The following AKAP1 variants were observed in gnomAD, a reference collection of about 807,000 sequenced individuals.
AKAP1 encodes A-kinase anchor protein 1, mitochondrial.
In AKAP1, 32 loss-of-function variants were observed where a neutral mutation model predicts 79.8. The ratio of observed to expected loss-of-function variants is 0.40; its 90% confidence interval spans 0.30 to 0.54. AKAP1 has a LOEUF of 0.54. Ranked by LOEUF, AKAP1 falls within the 20% of genes least tolerant of loss-of-function variation. The probability of loss-of-function intolerance (pLI) is 0.47; values close to 1 mark genes in which losing one functional copy is unlikely to be tolerated. For missense variants in AKAP1, 961 were observed against 1,138.9 expected, an observed-to-expected ratio of 0.84 and a Z score of 2.25; for synonymous variants, 416 against 466.7, an observed-to-expected ratio of 0.89 and a Z score of 1.40.
At position 57,116,920 on chromosome 17, in the gene AKAP1, CCT is replaced by C; in HGVS notation, c.2494_2495del (p.Leu832ValfsTer4). On this transcript the variant is annotated frameshift_variant, in exon 8 of 11. Transcript: ENST00000337714. LOFTEE classifies it high-confidence loss of function. ...AEVLLDSVMP[L>X]SDDDQFSPEA... ...AAGTCCTTCTGGACAGTGTGATGCC[CCT>C]GTCAGGTAACAGCTGAGGCCTTTGG... 1 of 1,614,034 alleles carries C rather than the reference CCT, an allele frequency of 6.2e-7. No individual in the cohort carries two copies.
In AKAP1 at chr17:57,106,555, T is replaced by C. The variant is rs1363184043; in HGVS notation, c.1091T>C (p.Leu364Pro). 6.2e-7 allele frequency: 1 copy of C among 1,614,208 alleles called. No homozygotes were observed. The highest frequency in any genetic ancestry group is 1.1e-5 in the South Asian group (1 of 91,078). ...ATCTCAGAAGCAACCGAACAGGTGC[T>C]GGCCACCACGGTTGGCAAGGTTGCA... is the stretch of plus-strand genomic sequence containing the variant. ...QVISEATEQV[L>P]ATTVGKVAGR... The change falls in exon 2 of 11, where the codon CTG becomes CCG. Residue 364 changes from leucine to proline, a missense_variant. Transcript: ENST00000337714.
chr17:57,087,553 C>T (rs1160940412), intron 1 of AKAP1, among the ~76,000 whole-genome samples: 1 of 152,194 alleles, frequency 6.6e-6, no homozygotes, highest in African/African-American at 2.4e-5. Context: ...ACAGTATTCC[C>T]TTTTCCTGTC....
At chr17:57,089,919 C>T (rs1913680045) in intron 1 of AKAP1, among the ~76,000 whole-genome samples, 1 of 152,168 alleles carries the variant, frequency 6.6e-6, no homozygotes, top group Admixed American at 6.5e-5. Context: ...CATAAAGATC[C>T]CTGCTGGTTT....
Position 57,097,343 on chromosome 17 carries a change from G to A in AKAP1, c.-24-8098G>A, listed in dbSNP as rs147991437. ...AGAGATTGATTCTTCCATCAGAATC[G>A]TGTGCTTCTGGTGATCAGAATCTTC... On this transcript the variant is annotated intron_variant, in intron 1 of 10. Transcript: ENST00000337714. Among the ~76,000 whole-genome samples the A allele has an allele frequency of 9.3e-4, 141 of 152,338 alleles. 1 individual carries two copies. Among genetic ancestry groups the A allele is most frequent in the East Asian group, 6.7e-3 (35 of 5,192 alleles).
intron 1 of AKAP1, chr17:57,094,019 A>G (rs1220556047): frequency 6.6e-6 from 1 of 151,582 alleles, no homozygotes; most frequent in Non-Finnish European, 1.5e-5. Flanking sequence ...TTAGTTTCCC[A>G]TATTTCTTCT....
Position 57,120,400 on chromosome 17 carries a change from C to T in AKAP1, c.*76C>T, listed in dbSNP as rs965193193. 49 of 1,305,592 alleles carry T rather than the reference C, an allele frequency of 3.8e-5. No individual in the cohort carries two copies. The highest frequency in any genetic ancestry group is 3.7e-4 in the Middle Eastern group (2 of 5,404). 80.9% of individuals were successfully genotyped at this position (1,305,592 alleles called of 1,614,324 possible). ...TGGCACTCAAGTCAAAGATGAACAT[C>T]GGAATAACAAACATTGTCCTCTCCA... On this transcript the variant is annotated 3_prime_UTR_variant, in exon 11 of 11. Coordinates refer to ENST00000337714, the MANE Select transcript of AKAP1 (RefSeq NM_003488.4).
intron 2 of AKAP1, among the ~76,000 whole-genome samples, chr17:57,109,237 A>G (rs1233058423): frequency 6.6e-6 from 1 of 152,066 alleles, no homozygotes; most frequent in Non-Finnish European, 1.5e-5. Flanking sequence ...GCTGATCTGG[A>G]CCCGCTTTTT....
At chr17:57,115,516 C>T (rs1915527460) in intron 6 of AKAP1, among the ~76,000 whole-genome samples, 1 of 152,172 alleles carries the variant, frequency 6.6e-6, no homozygotes, top group Non-Finnish European at 1.5e-5. Context: ...GAACGTTTAC[C>T]TCCTGGTCTC....
At chr17:57,114,359 A>C (rs112772527) in intron 5 of AKAP1, 100 bp from the exon 6 acceptor site, 3 of 1,444,804 alleles carry the variant, frequency 2.1e-6, no homozygotes, top group Middle Eastern at 1.8e-4. Flanking sequence ...CCCTTTTCAA[A>C]GATATGCTAG....
intron 2 of AKAP1, among the ~76,000 whole-genome samples, chr17:57,108,812 GC>G (rs2144733358): frequency 6.6e-6 from 1 of 152,352 alleles, no homozygotes; most frequent in African/African-American, 2.4e-5. Flanking sequence ...CTGAGCCACT[GC>G]TGGGAGCCAT....
At chr17:57,115,402 G>A (rs902397365) in intron 6 of AKAP1, among the ~76,000 whole-genome samples, 10 of 152,194 alleles carry the variant, frequency 6.6e-5, no homozygotes, top group African/African-American at 2.4e-4. Context: ...AGCCTGAGGG[G>A]TAACTGCCAG....
At chr17:57,110,928 C>T (rs1408130897) in intron 3 of AKAP1, among the ~76,000 whole-genome samples, 3 of 151,946 alleles carry the variant, frequency 2.0e-5, no homozygotes, top group East Asian at 1.9e-4. Context: ...TTTGTCAGAC[C>T]GCATTCTCCC....
rs980622929 is a variant in AKAP1, at chr17:57,085,391, A to C, written c.-32A>C. On this transcript the variant is annotated 5_prime_UTR_variant, in exon 1 of 11. Coordinates refer to ENST00000337714, the MANE Select transcript of AKAP1 (RefSeq NM_003488.4). ...GCATCCCGCACCCCGATGGTAGCCG[A>C]GGAGCTGGTAGGTCGGGGGCAGCTG... 1 of 151,852 alleles carries C rather than the reference A, an allele frequency of 6.6e-6. No individual in the cohort carries two copies. Among genetic ancestry groups the C allele is most frequent in the African/African-American group, 2.4e-5 (1 of 41,380 alleles). 9.4% of individuals were successfully genotyped at this position (151,852 alleles called of 1,614,324 possible).
chr17:57,107,197 C>T lies in AKAP1; in HGVS notation c.1714+19C>T, dbSNP rs560693285. 51 of 1,572,808 alleles carry T rather than the reference C, an allele frequency of 3.2e-5. No homozygotes were observed. In the South Asian group the frequency reaches 5.1e-4, roughly 16 times the overall value. Reference sequence around the variant, plus strand: ...TCAGGAGGTAGGAGGGTCTCGGGTTCGTTTAGAGGATGGGGCGCTCCCAGT... The same window carrying T: ...TCAGGAGGTAGGAGGGTCTCGGGTTTGTTTAGAGGATGGGGCGCTCCCAGT... On this transcript the variant is annotated intron_variant, in intron 2 of 10. Coordinates refer to ENST00000337714, the MANE Select transcript of AKAP1 (RefSeq NM_003488.4).
intron 3 of AKAP1, among the ~76,000 whole-genome samples, chr17:57,110,880 G>A (rs1915202460): frequency 6.6e-6 from 1 of 152,144 alleles, no homozygotes. Flanking sequence ...CAACATATTA[G>A]CTTGATCTTG....
At chr17:57,089,839 CAGG>C (rs1244043514) in intron 1 of AKAP1, among the ~76,000 whole-genome samples, 1 of 152,164 alleles carries the variant, frequency 6.6e-6, no homozygotes, top group Non-Finnish European at 1.5e-5. Flanking sequence ...GACCTGGGGA[CAGG>C]AGCGTGAAGC....
chr17:57,085,827 C>T (rs915394993), intron 1 of AKAP1: 44 of 152,934 alleles, frequency 2.9e-4, no homozygotes, highest in African/African-American at 1.1e-3. Flanking sequence ...GCGCGTCCCA[C>T]CCAAGGTCGC....
chr17:57,105,788 G>A lies in AKAP1; in HGVS notation c.324G>A (p.Ser108=), dbSNP rs761174439. 2.2e-5 allele frequency: 35 copies of A among 1,614,016 alleles called. No homozygotes were observed. In the East Asian group the frequency reaches 6.0e-4, roughly 28 times the overall value. Residue 108 remains serine, a synonymous_variant, in exon 2 of 11, where the codon TCG becomes TCA. Coordinates refer to ENST00000337714, the MANE Select transcript of AKAP1 (RefSeq NM_003488.4). ...CACCTTGCCGAAGATCAGAGTCCTC[G>A]GGCATTCTTCCTAACACCACAGACA... ...THPPCRRSES[S]GILPNTTDMR...
chr17:57,090,490 T>C (rs6503792), intron 1 of AKAP1, among the ~76,000 whole-genome samples: 127,241 of 151,462 alleles, frequency 0.84, 53,830 homozygotes, highest in East Asian at 1. Context: ...CCTCTGCCCC[T>C]GCCGCCCCCC....
Sources: allele counts gnomAD v4.1 joint callset (sites outside exome capture counted in the v4.1 genomes callset), GRCh38; gene constraint gnomAD v4.1.1; transcripts MANE v1.5; gene names NCBI Gene and HGNC (gene_info 2026-07-23, HGNC 2026-07-21).